The following CCDC57 variants were observed in gnomAD, a reference collection of about 807,000 sequenced individuals.
The protein encoded by CCDC57 is coiled-coil domain-containing protein 57.
CCDC57 carries 118 observed loss-of-function variants against 118.9 expected under a neutral mutation model. That is an observed-to-expected ratio of 0.99 (90% CI 0.86 to 1.16). The LOEUF (loss-of-function observed/expected upper bound fraction) is 1.16, where lower values mean the gene tolerates loss of function less well. CCDC57 is among the 50% of genes most tolerant of loss of function. CCDC57 has a pLI of 0.00. For synonymous variants in CCDC57, 527 were observed against 532.9 expected, an observed-to-expected ratio of 0.99 and a Z score of 0.15; for missense variants, 1,300 against 1,320.7, an observed-to-expected ratio of 0.98 and a Z score of 0.24.
intron 19 of CCDC57, among the ~76,000 whole-genome samples, chr17:82,103,534 T>A (rs988093518): frequency 4.6e-5 from 7 of 152,154 alleles, no homozygotes; most frequent in African/African-American, 1.4e-4. Context: ...AAGGGCTTCC[T>A]GCGGGGAAGC....
At position 82,172,783 on chromosome 17, in the gene CCDC57, G is replaced by A. The variant is rs764010674; in HGVS notation, c.1584C>T (p.Asn528=). ...GGGCAATCGCGTTTCGCAAGCTCGT[G>A]TTCTGCTCTCGGAGCCGCTGGATCT... Residue 528 remains asparagine, a synonymous_variant, in exon 12 of 20, where the codon AAC becomes AAT. Transcript: ENST00000665763. This position sits in a 1 kb window ranked among gnomAD's most constrained non-coding sequence, Gnocchi z 5.2. 3 of 1,613,456 alleles carry A rather than the reference G, an allele frequency of 1.9e-6. No homozygotes were observed. The highest frequency in any genetic ancestry group is 1.7e-5 in the Admixed American group (1 of 59,966).
intron 9 of CCDC57, among the ~76,000 whole-genome samples, chr17:82,182,977 C>T (rs536126176): frequency 5.1e-4 from 78 of 152,344 alleles, no homozygotes; most frequent in African/African-American, 1.6e-3. Flanking sequence ...TGAGCCATCA[C>T]ACCCGGCCCA....
At position 82,101,843 on chromosome 17, in the gene CCDC57, C is replaced by CGGCTGCTG. The variant is rs756717481; in HGVS notation, c.2915_2922dup (p.Asp975GlnfsTer19). The CGGCTGCTG allele has an allele frequency of 6.3e-7, 1 of 1,578,442 alleles. No homozygotes were observed. Among genetic ancestry groups the CGGCTGCTG allele is most frequent in the Admixed American group, 2.0e-5 (1 of 51,118 alleles). On this transcript the variant is annotated frameshift_variant, in exon 20 of 20. Coordinates refer to ENST00000665763, the Ensembl canonical transcript of CCDC57. LOFTEE classifies it low-confidence loss of function (END_TRUNC). ...GCCTGCATCTTGACGGGCCTCCTGT[C>CGGCTGCTG]GGCTGCTGGAGGAGCTGGGAGCTCT...
intron 19 of CCDC57, among the ~76,000 whole-genome samples, chr17:82,107,973 G>A (rs535812861): frequency 1.1e-4 from 16 of 152,226 alleles, no homozygotes; most frequent in Non-Finnish European, 2.1e-4. Context: ...CAGGATGGAA[G>A]TCCTGGTCAG....
chr17:82,201,539 T>C (rs745510638), exon 3 of CCDC57: 2 of 1,599,344 alleles, frequency 1.3e-6, no homozygotes, highest in East Asian at 2.3e-5. Context: ...GTGGCTCACC[T>C]GTGGACGCGC....
intron 3 of CCDC57, among the ~76,000 whole-genome samples, chr17:82,198,815 C>T (rs940449449): frequency 6.6e-6 from 1 of 151,416 alleles, no homozygotes; most frequent in Non-Finnish European, 1.5e-5. Flanking sequence ...ACGGTGAAAC[C>T]CCGTCTCTAC....
intron 16 of CCDC57, among the ~76,000 whole-genome samples, chr17:82,150,336 C>T (rs866017890): frequency 1.1e-3 from 150 of 136,742 alleles, no homozygotes; most frequent in East Asian, 4.1e-3. Context: ...GAACCTGACC[C>T]GCACCCAGAA....
intron 19 of CCDC57, among the ~76,000 whole-genome samples, chr17:82,117,222 G>A (rs936609478): frequency 1.3e-5 from 2 of 151,866 alleles, no homozygotes; most frequent in Admixed American, 6.6e-5. Flanking sequence ...GCATGGTGGC[G>A]CACGCCATAA....
chr17:82,192,450 T>C lies in CCDC57; in HGVS notation c.851+1306A>G, dbSNP rs1282073233. On this transcript the variant is annotated intron_variant, in intron 7 of 19. Coordinates refer to ENST00000665763, the Ensembl canonical transcript of CCDC57. This position sits in a 1 kb window ranked among gnomAD's most constrained non-coding sequence, Gnocchi z 4.0. Reference sequence around the variant, plus strand: ...GAATTTTTGACCTCATGGGGCTAGATGCCCCTAACCCCCTCACTGTTTAAG... The same window carrying C: ...GAATTTTTGACCTCATGGGGCTAGACGCCCCTAACCCCCTCACTGTTTAAG... Among the ~76,000 whole-genome samples, 1 of 152,226 alleles carries C rather than the reference T, an allele frequency of 6.6e-6. No individual in the cohort carries two copies. Among genetic ancestry groups the C allele is most frequent in the Non-Finnish European group, 1.5e-5 (1 of 68,036 alleles).
chr17:82,162,397 G>T (rs949128035), intron 14 of CCDC57, among the ~76,000 whole-genome samples: 6 of 152,234 alleles, frequency 3.9e-5, no homozygotes, highest in Non-Finnish European at 5.9e-5. Context: ...GAAACAGGGT[G>T]GGCTCGCTGC....
intron 2 of CCDC57, among the ~76,000 whole-genome samples, chr17:82,205,274 T>C (rs1402563824): frequency 6.6e-6 from 1 of 152,176 alleles, no homozygotes; most frequent in Non-Finnish European, 1.5e-5. Context: ...ACGGGCCTCT[T>C]CTCTGAGGGA....
Position 82,144,110 on chromosome 17 carries a change from A to G in CCDC57, c.2455+7450T>C, listed in dbSNP as rs191843285. ...GCTTCCCCAAAGGCACTGAGATCAG[A>G]CTGATGGCTGACCTCTCTGAAGACA... On this transcript the variant is annotated intron_variant, in intron 16 of 19. Coordinates refer to ENST00000665763, the Ensembl canonical transcript of CCDC57. 1.2e-3 allele frequency among the ~76,000 whole-genome samples: 180 copies of G among 152,190 alleles called. 1 individual carries two copies. The highest frequency in any genetic ancestry group is 4.0e-3 in the African/African-American group (165 of 41,522).
intron 15 of CCDC57, chr17:82,154,957 C>T (rs1446082445): frequency 1.3e-5 from 2 of 152,326 alleles, no homozygotes; most frequent in African/African-American, 4.8e-5. Context: ...CGCCAAGCAT[C>T]TAGACCCGCT....
chr17:82,200,190 A>T (rs2048828641), intron 3 of CCDC57, among the ~76,000 whole-genome samples: 1 of 152,152 alleles, frequency 6.6e-6, no homozygotes, highest in Admixed American at 6.5e-5. Flanking sequence ...GTTCACACCC[A>T]TCTGAGACCC....
At chr17:82,164,305 C>T (rs1430121259) in intron 13 of CCDC57, among the ~76,000 whole-genome samples, 2 of 151,868 alleles carry the variant, frequency 1.3e-5, no homozygotes, top group African/African-American at 2.4e-5. Flanking sequence ...CGATTGAACT[C>T]GGGAGGCGGA....
rs1395675409 is a variant in CCDC57 at position 82,156,967 on chromosome 17, CCTT to C, written c.2241+778_2241+780del. 5.3e-5 allele frequency: 8 copies of C among 152,336 alleles called. No individual in the cohort carries two copies. The East Asian group carries it at 1.5e-3, about 29-fold the overall frequency. The allele number at this position is 152,336 out of a possible 1,614,324, so 9.4% of individuals were successfully genotyped here. On this transcript the variant is annotated intron_variant, in intron 15 of 19. Transcript: ENST00000665763. ...CAGACATCATCTACTGTCCCCAAAA[CCTT>C]CTGTGGATTCATAGGTCACTATTGG... is the stretch of plus-strand genomic sequence containing the variant.
At chr17:82,184,788 GA>G (rs1251049759) in intron 8 of CCDC57, among the ~76,000 whole-genome samples, 1 of 152,134 alleles carries the variant, frequency 6.6e-6, no homozygotes, top group Non-Finnish European at 1.5e-5. Context: ...ATATAGAATG[GA>G]AAAAAAGCCA....
At chr17:82,174,908 G>C (rs924892073) in intron 11 of CCDC57, among the ~76,000 whole-genome samples, 1 of 152,208 alleles carries the variant, frequency 6.6e-6, no homozygotes, top group African/African-American at 2.4e-5. Flanking sequence ...AGAGAATTTT[G>C]AGCGTTAGCC....
chr17:82,152,646 C>T (rs1176474439), intron 15 of CCDC57, among the ~76,000 whole-genome samples: 1 of 152,254 alleles, frequency 6.6e-6, no homozygotes, highest in African/African-American at 2.4e-5. Flanking sequence ...AAGACGGGAG[C>T]CGACGACCTA....
Sources: allele counts gnomAD v4.1 joint callset (sites outside exome capture counted in the v4.1 genomes callset), GRCh38; gene constraint gnomAD v4.1.1; non-coding constraint Gnocchi (gnomAD v3.1); transcripts MANE v1.5; gene names NCBI Gene and HGNC (gene_info 2026-07-23, HGNC 2026-07-21).